Variants in PRDM5 observed in about 807,000 individuals in gnomAD.
PRDM5 encodes the protein PR domain zinc finger protein 5.
PRDM5 carries 56 observed loss-of-function variants against 81.2 expected under a neutral mutation model. That is an observed-to-expected ratio of 0.69 (90% CI 0.56 to 0.86). PRDM5 has a LOEUF of 0.86. Among genes scored for constraint, PRDM5 ranks in the 40% least tolerant of loss-of-function variants. The pLI is 0.00. For missense variants in PRDM5, 697 were observed against 770.1 expected, an observed-to-expected ratio of 0.91 and a Z score of 1.12; for synonymous variants, 267 against 256.4, an observed-to-expected ratio of 1.04 and a Z score of -0.39.
At chr4:120,695,502 C>T (rs1391591793) in intron 15 of PRDM5, among the ~76,000 whole-genome samples, 2 of 152,082 alleles carry the variant, frequency 1.3e-5, no homozygotes, top group Non-Finnish European at 2.9e-5. Context: ...AATGTATTTG[C>T]CATTTCATAT....
rs566873637 is a variant in PRDM5, at chr4:120,880,624, A to G, written c.177+26850T>C. On this transcript the variant is annotated intron_variant, in intron 2 of 15. Transcript: ENST00000264808. ...ACCTACAGCACATGTCAACTCATAT[A>G]CTACATTTTCGTCATTAATATTTAA... 2.0e-5 allele frequency among the ~76,000 whole-genome samples: 3 copies of G among 152,270 alleles called. No homozygotes were observed. The East Asian group carries it at 5.8e-4, about 29-fold the overall frequency.
rs1404180525 is a variant in PRDM5 at position 120,887,933 on chromosome 4, C to T, written c.177+19541G>A. On this transcript the variant is annotated intron_variant, in intron 2 of 15. Transcript: ENST00000264808. ...TCAGCCTCCCAAGTAGCTGGGACTA[C>T]AGGCGCCCGCCACTACGCCCGGCTA... Among the ~76,000 whole-genome samples the T allele has an allele frequency of 1.9e-5, 2 of 105,644 alleles. 1 individual carries two copies. Among genetic ancestry groups the T allele is most frequent in the Non-Finnish European group, 3.6e-5 (2 of 55,808 alleles). The allele number at this position is 105,644 out of a possible 152,430, so 69.3% of individuals were successfully genotyped here.
At chr4:120,891,341 T>C (rs1350238250) in intron 2 of PRDM5, among the ~76,000 whole-genome samples, 4 of 152,190 alleles carry the variant, frequency 2.6e-5, no homozygotes, top group Admixed American at 2.6e-4. Context: ...TAATTGTCTC[T>C]GAGGGTTTTT....
chr4:120,902,946 G>A (rs1765382329), intron 2 of PRDM5, among the ~76,000 whole-genome samples: 1 of 152,186 alleles, frequency 6.6e-6, no homozygotes, highest in South Asian at 2.1e-4. Flanking sequence ...CCTACCAGGA[G>A]GCTCAATCCT....
intron 15 of PRDM5, among the ~76,000 whole-genome samples, chr4:120,704,881 A>G (rs903005255): frequency 2.0e-5 from 3 of 152,340 alleles, no homozygotes; most frequent in Admixed American, 6.5e-5. Flanking sequence ...CGTGAAGAAC[A>G]TGGCTCAGCT....
Position 120,769,151 on chromosome 4 carries a change from G to A in PRDM5, c.1537+8037C>T, listed in dbSNP as rs145678419. 3.0e-3 allele frequency among the ~76,000 whole-genome samples: 461 copies of A among 152,264 alleles called. 3 individuals are homozygous for A. Among genetic ancestry groups the A allele is most frequent in the African/African-American group, 0.011 (454 of 41,554 alleles). On this transcript the variant is annotated intron_variant, in intron 13 of 15. Transcript: ENST00000264808. ...CATGCATCCTTTTTACTATCATACA[G>A]GTAATGCAACCCACTTGTAAGTTAT...
intron 14 of PRDM5, chr4:120,731,565 T>C (rs1414918443): frequency 6.6e-6 from 1 of 152,176 alleles, no homozygotes; most frequent in Non-Finnish European, 1.5e-5. Context: ...AAAGTAATTC[T>C]ATTTAGTGTG....
chr4:120,733,454 C>T (rs562707501), intron 14 of PRDM5, among the ~76,000 whole-genome samples: 3 of 152,198 alleles, frequency 2.0e-5, no homozygotes, highest in Admixed American at 6.5e-5. Flanking sequence ...TGCCCTACCC[C>T]CAATCTTGTT....
intron 2 of PRDM5, among the ~76,000 whole-genome samples, chr4:120,873,715 G>T (rs1025505324): frequency 6.6e-6 from 1 of 152,116 alleles, no homozygotes; most frequent in Non-Finnish European, 1.5e-5. Flanking sequence ...CCAAAATTTT[G>T]TAACTGAAGA....
chr4:120,789,202 T>A (rs1280039021), intron 10 of PRDM5, among the ~76,000 whole-genome samples: 1 of 152,152 alleles, frequency 6.6e-6, no homozygotes, highest in Non-Finnish European at 1.5e-5. Flanking sequence ...ATATACCAAC[T>A]CTTTTGCAGA....
intron 15 of PRDM5, among the ~76,000 whole-genome samples, chr4:120,705,373 A>G (rs1026514695): frequency 6.6e-6 from 1 of 152,200 alleles, no homozygotes; most frequent in Non-Finnish European, 1.5e-5. Flanking sequence ...ATAATATAGA[A>G]TGAGAGCTAA....
At chr4:120,908,979 C>G (rs1766169997) in intron 1 of PRDM5, among the ~76,000 whole-genome samples, 1 of 152,138 alleles carries the variant, frequency 6.6e-6, no homozygotes, top group Non-Finnish European at 1.5e-5. Flanking sequence ...GGGACCTAAC[C>G]AGGATTTGAT....
At chr4:120,801,252 T>G (rs1215465463) in intron 8 of PRDM5, among the ~76,000 whole-genome samples, 1 of 152,178 alleles carries the variant, frequency 6.6e-6, no homozygotes, top group Non-Finnish European at 1.5e-5. Flanking sequence ...GAGTGAAAGA[T>G]CTAGGCAAAA....
rs189900738 is a variant in PRDM5, at chr4:120,864,151, T to G, written c.178-10611A>C. ...GCGAAAGATGAAGGGGAATAGATGA[T>G]GGGTGACCAACAACCCTACTGTGCA... On this transcript the variant is annotated intron_variant, in intron 2 of 15. Transcript: ENST00000264808. 5.2e-3 allele frequency among the ~76,000 whole-genome samples: 790 copies of G among 152,318 alleles called. 3 individuals are homozygous for G. The highest frequency in any genetic ancestry group is 8.9e-3 in the Non-Finnish European group (604 of 68,028).
At chr4:120,862,921 G>A (rs1326057035) in intron 2 of PRDM5, among the ~76,000 whole-genome samples, 2 of 151,856 alleles carry the variant, frequency 1.3e-5, no homozygotes, top group Non-Finnish European at 2.9e-5. Flanking sequence ...CACTTTGAGA[G>A]GCCAAGGAGG....
intron 3 of PRDM5, 99 bp from the exon 4 acceptor site, chr4:120,821,444 A>G: frequency 8.5e-7 from 1 of 1,181,610 alleles, no homozygotes; most frequent in South Asian, 1.4e-5. Context: ...TGTGTGCATG[A>G]AAAGTTATTA....
chr4:120,689,383 C>G (rs1733952865), downstream of PRDM5, among the ~76,000 whole-genome samples: 1 of 152,022 alleles, frequency 6.6e-6, no homozygotes, highest in South Asian at 2.1e-4. Flanking sequence ...GAAAGTGATA[C>G]AGTTGTACTT....
rs1754040015 is a variant in PRDM5, at chr4:120,812,931, T to C, written c.866-1482A>G. ...AATTTATTAATTCATAAAGTGATTG[T>C]GTTAATTCTTTTACATTTCAACAGA... On this transcript the variant is annotated intron_variant, in intron 7 of 15. Transcript: ENST00000264808. 2.4e-5 allele frequency: 4 copies of C among 166,222 alleles called. No individual in the cohort carries two copies. In the South Asian group the frequency reaches 5.4e-4, roughly 22 times the overall value. The allele number at this position is 166,222 out of a possible 1,614,324, so 10.3% of individuals were successfully genotyped here.
At chr4:120,729,541 T>C (rs964433047) in intron 14 of PRDM5, among the ~76,000 whole-genome samples, 1 of 152,112 alleles carries the variant, frequency 6.6e-6, no homozygotes, top group Admixed American at 6.5e-5. Flanking sequence ...TAGACGTATC[T>C]CCCTGAAAAA....
Sources: gnomAD v4.1 joint callset for allele counts (sites outside exome capture counted in the v4.1 genomes callset) on GRCh38, gnomAD v4.1.1 for gene constraint, MANE v1.5 for transcripts, NCBI Gene and HGNC (gene_info 2026-07-23, HGNC 2026-07-21) for gene names.